Variants in NUB1 observed in about 807,000 individuals in gnomAD.
NUB1 encodes negative regulator of ubiquitin like proteins 1.
Under a neutral mutation model 77.1 loss-of-function variants are expected in NUB1, and 41 were observed. The ratio of observed to expected loss-of-function variants is 0.53; its 90% CI spans 0.41 to 0.69. NUB1 has a LOEUF of 0.69. NUB1 is among the 30% of genes least tolerant of loss of function. The pLI, the probability that NUB1 is intolerant of heterozygous loss-of-function variation, is 0.00. For missense variants in NUB1, 643 were observed against 743.8 expected (o/e 0.86, Z 1.58); for synonymous variants, 257 against 281.0 (o/e 0.91, Z 0.85).
At chr7:151,358,441 G>A (rs1352936907) in intron 7 of NUB1, among the ~76,000 whole-genome samples, 3 of 152,014 alleles carry the variant, frequency 2.0e-5, no homozygotes. Flanking sequence ...CAGGTGAGCA[G>A]CAGGCAAGTG....
Position 151,377,325 on chromosome 7 carries a change from A to C in NUB1, c.*100A>C. On this transcript the variant is annotated 3_prime_UTR_variant, in exon 15 of 15. Coordinates refer to ENST00000568733, the MANE Select transcript of NUB1 (RefSeq NM_001243351.2). ...GTTCTTACTTTTTATCTGAATTACA[A>C]GTCCTCTTTGGGTGTAGGAGGGGGT... is the stretch of plus-strand genomic sequence containing the variant. 1.5e-6 allele frequency: 1 copy of C among 684,304 alleles called. No individual in the cohort carries two copies. The highest frequency in any genetic ancestry group is 2.1e-5 in the South Asian group (1 of 47,382). 42.4% of individuals were successfully genotyped at this position (684,304 alleles called of 1,614,324 possible). A position where few individuals can be genotyped will look rare whatever the true frequency, so the allele number is the denominator to read the frequency against.
At chr7:151,374,966 C>T (rs1032245526) in intron 12 of NUB1, among the ~76,000 whole-genome samples, 9 of 134,446 alleles carry the variant, frequency 6.7e-5, no homozygotes, top group East Asian at 5.0e-4. Flanking sequence ...GGCAGCGCGG[C>T]GGGCAGGAAG....
rs768328041 is a variant in NUB1 at position 151,368,819 on chromosome 7, C to T, written c.1180C>T (p.Arg394Trp). Residue 394 changes from arginine to tryptophan, a missense_variant, in exon 11 of 15, where the codon CGG (arginine) becomes TGG (tryptophan). Physicochemically the swap from Arg to Trp is moderately radical, Grantham distance 101. Transcript: ENST00000568733. ...LQLGFTAQEA[R>W]LGLRACDGNV... is the part of the protein sequence containing the mutation. ...GTTGGGGTTTACTGCCCAGGAAGCC[C>T]GGCTTGGCCTGAGGGCGTGTGATGG... 5.0e-6 allele frequency: 8 copies of T among 1,613,892 alleles called. No homozygotes were observed. The Admixed American group carries it at 8.3e-5, about 17-fold the overall frequency.
chr7:151,350,668 A>C (rs1025379618), intron 3 of NUB1, among the ~76,000 whole-genome samples: 1 of 152,238 alleles, frequency 6.6e-6, no homozygotes, highest in East Asian at 1.9e-4. Flanking sequence ...TCTATAATCT[A>C]TTTCTAGTGT....
intron 2 of NUB1, among the ~76,000 whole-genome samples, chr7:151,347,518 C>T (rs1428736588): frequency 6.6e-6 from 1 of 152,140 alleles, no homozygotes; most frequent in Non-Finnish European, 1.5e-5. Context: ...AGTGCAATGG[C>T]ATGGCCATAG....
At position 151,355,895 on chromosome 7, in the gene NUB1, C is replaced by G; in HGVS notation, c.543C>G (p.Leu181=). 6.2e-7 allele frequency: 1 copy of G among 1,613,794 alleles called. No homozygotes were observed. The highest frequency in any genetic ancestry group is 8.5e-7 in the Non-Finnish European group (1 of 1,179,848). The change falls in exon 6 of 15, where the codon CTC becomes CTG. Residue 181 remains leucine (L), a synonymous_variant. Transcript: ENST00000568733. ...AAGAGGAGCAAAATGAGGCCAAACTCAAAGAAAAACAAATTCAGAGGACCA... is the reference window on the plus strand; with the variant it reads ...AAGAGGAGCAAAATGAGGCCAAACTGAAAGAAAAACAAATTCAGAGGACCA... ...LEEEEQNEAK[L]KEKQIQRTKR... is the part of the protein sequence containing the mutation.
chr7:151,356,477 C>T (rs914251845), intron 7 of NUB1, among the ~76,000 whole-genome samples: 11 of 152,212 alleles, frequency 7.2e-5, no homozygotes, highest in Admixed American at 1.3e-4. Flanking sequence ...CCTGAGGACA[C>T]GACCCACTGC....
intron 2 of NUB1, among the ~76,000 whole-genome samples, chr7:151,348,569 C>CTTTTTTTTTTTTTTTTT (rs59781719): frequency 1.4e-5 from 1 of 69,940 alleles, no homozygotes; most frequent in Non-Finnish European, 2.5e-5. Context: ...TTGCTTTTTG[C>CTTTTTTTTTTTTTTTTT]TTTTTTTTTT....
Position 151,374,169 on chromosome 7 carries a change from G to T in NUB1, c.1321G>T (p.Gly441Trp). 6.3e-7 allele frequency: 1 copy of T among 1,576,904 alleles called. No individual in the cohort carries two copies. The highest frequency in any genetic ancestry group is 2.4e-5 in the East Asian group (1 of 42,520). Residue 441 changes from glycine (G) to tryptophan (W), a missense_variant, in exon 12 of 15, where the codon GGG becomes TGG. Coordinates refer to ENST00000568733, the MANE Select transcript of NUB1 (RefSeq NM_001243351.2). Reference protein sequence around the residue: ...RRLENIRFLKGMGYSTHAAQQ... With the variant: ...RRLENIRFLKWMGYSTHAAQQ... ...CCTCGAGAACATCAGGTTTCTGAAA[G>T]GGATGGGCTACTCCACGCACGCGGC...
At chr7:151,361,367 AGGCAGCCCATG>A (rs1354888391) in intron 8 of NUB1, 1 of 152,196 alleles carries the variant, frequency 6.6e-6, no homozygotes, top group East Asian at 1.9e-4. Flanking sequence ...GCTGGCTGGC[AGGCAGCCCATG>A]TTTTTTTGAC....
intron 1 of NUB1, among the ~76,000 whole-genome samples, chr7:151,343,976 T>C (rs533524293): frequency 1.3e-5 from 2 of 151,850 alleles, no homozygotes; most frequent in Admixed American, 6.6e-5. Context: ...GGTCAGGAGA[T>C]TGAGACCATC....
At chr7:151,371,352 C>A (rs1797946456) in intron 11 of NUB1, among the ~76,000 whole-genome samples, 1 of 80,890 alleles carries the variant, frequency 1.2e-5, no homozygotes, top group Non-Finnish European at 2.7e-5. Context: ...TGAGGTCTGT[C>A]TTTTACCCCC....
Position 151,356,161 on chromosome 7 carries a change from C to A in NUB1, c.632C>A (p.Pro211Gln), listed in dbSNP as rs190354568. Residue 211 changes from proline (P) to glutamine (Q), a missense_variant, in exon 7 of 15, where the codon CCG (proline) becomes CAG (glutamine). By Grantham distance (76) the Pro-to-Gln change is moderately conservative. Transcript: ENST00000568733. The stretch of plus-strand genomic sequence containing the variant: ...ACAGTGGTGGATCCAGAAATGACAC[C>A]GTACTTAGACATAGCTAACCAGACA... ...AETVVDPEMT[P>Q]YLDIANQTGR... 2 of 1,613,774 alleles carry A rather than the reference C, an allele frequency of 1.2e-6. No homozygotes were observed. The highest frequency in any genetic ancestry group is 1.7e-5 in the Admixed American group (1 of 60,002).
At chr7:151,360,581 C>G (rs1201730839) in intron 8 of NUB1, 1 of 208,186 alleles carries the variant, frequency 4.8e-6, no homozygotes, top group African/African-American at 2.3e-5. Flanking sequence ...TTCCTCAAAT[C>G]CGTTGTTTAA....
intron 5 of NUB1, among the ~76,000 whole-genome samples, chr7:151,354,608 AC>A (rs1796972939): frequency 1.3e-5 from 2 of 151,956 alleles, no homozygotes; most frequent in African/African-American, 4.8e-5. Flanking sequence ...TGATTTTGTT[AC>A]TGTTTTCTTT....
intron 1 of NUB1, among the ~76,000 whole-genome samples, chr7:151,344,493 T>TC (rs2150657404): frequency 6.6e-6 from 1 of 151,256 alleles, no homozygotes; most frequent in East Asian, 2.0e-4. Context: ...CATATATTTT[T>TC]TTTTTTTTAG....
intron 11 of NUB1, among the ~76,000 whole-genome samples, chr7:151,372,103 C>T (rs931616056): frequency 6.6e-6 from 1 of 152,208 alleles, no homozygotes; most frequent in Non-Finnish European, 1.5e-5. Flanking sequence ...GCTGTAGAAA[C>T]GGAGCTCACA....
rs1017476136 is a variant in NUB1, at chr7:151,375,738, A to T, written c.1396-110A>T. 2.0e-5 allele frequency: 14 copies of T among 715,746 alleles called. No homozygotes were observed. In the African/African-American group the frequency reaches 2.3e-4, roughly 12 times the overall value. 44.3% of individuals were successfully genotyped at this position (715,746 alleles called of 1,614,324 possible). ...GAGTGGGAGCCCCTTTCTCTGCCTC[A>T]TAGCAGCAGAGGACGGCGGGGTCTG... On this transcript the variant is annotated intron_variant, in intron 12 of 14. Coordinates refer to ENST00000568733, the MANE Select transcript of NUB1 (RefSeq NM_001243351.2).
intron 5 of NUB1, among the ~76,000 whole-genome samples, chr7:151,354,119 C>A (rs1014671736): frequency 1.3e-5 from 2 of 152,126 alleles, no homozygotes; most frequent in African/African-American, 2.4e-5. Flanking sequence ...CAGAGTCCCC[C>A]TTTCTATATA....
Sources: gnomAD v4.1 joint callset for allele counts (sites outside exome capture counted in the v4.1 genomes callset) on GRCh38, gnomAD v4.1.1 for gene constraint, MANE v1.5 for transcripts, NCBI Gene and HGNC (gene_info 2026-07-23, HGNC 2026-07-21) for gene names.